Variants in EDA observed in about 807,000 individuals in gnomAD.
The protein encoded by EDA is ectodysplasin A.
EDA carries 2 observed loss-of-function variants against 23.6 expected under a neutral mutation model. That is an observed-to-expected ratio of 0.08 (90% CI 0.03 to 0.27). EDA has a LOEUF of 0.27. EDA is among the 10% of genes least tolerant of loss of function. The pLI is 1.00. For missense variants in EDA, 229 were observed against 324.2 expected (o/e 0.71, Z 2.26); for synonymous variants, 131 against 132.0 (o/e 0.99, Z 0.05).
chrX:69,723,813 T>C (rs1270726571), intron 1 of EDA, among the ~76,000 whole-genome samples: 3 of 111,548 alleles, frequency 2.7e-5, no homozygotes, highest in Non-Finnish European at 5.6e-5. Context: ...TAAGATGTGT[T>C]TTCTTCAGGA....
At chrX:69,770,238 C>T (rs750417511) in intron 1 of EDA, among the ~76,000 whole-genome samples, 7 of 111,546 alleles carry the variant, frequency 6.3e-5, no homozygotes, top group Non-Finnish European at 9.4e-5. Flanking sequence ...TTCCATTTCC[C>T]GGGATTATTG....
chrX:69,869,963 A>G (rs1157836716), intron 1 of EDA, among the ~76,000 whole-genome samples: 1 of 111,894 alleles, frequency 8.9e-6, no homozygotes, highest in Non-Finnish European at 1.9e-5. Context: ...TTTGCAAGGC[A>G]TCAGTCAAGG....
chrX:69,857,825 GTATGGT>G (rs2147589195), intron 1 of EDA, among the ~76,000 whole-genome samples: 1 of 112,108 alleles, frequency 8.9e-6, no homozygotes, highest in South Asian at 3.7e-4. Context: ...GCTTTTGGCA[GTATGGT>G]CATTTTCACA....
chrX:69,622,558 C>A (rs1019510771), intron 1 of EDA, among the ~76,000 whole-genome samples: 3 of 111,936 alleles, frequency 2.7e-5, no homozygotes, highest in Non-Finnish European at 5.6e-5. Context: ...ATTAGTCTGT[C>A]TTTTTCTTAT....
intron 1 of EDA, among the ~76,000 whole-genome samples, chrX:69,732,267 C>T (rs1358736466): frequency 9.9e-5 from 11 of 111,009 alleles, no homozygotes; most frequent in Non-Finnish European, 2.1e-4. Context: ...CACCCCACAA[C>T]AGGCCCCAGT....
At chrX:69,652,446 C>T (rs184242421) in intron 1 of EDA, among the ~76,000 whole-genome samples, 28 of 111,412 alleles carry the variant, frequency 2.5e-4, no homozygotes, top group South Asian at 1.5e-3. Context: ...AAATTAGAAA[C>T]GGTAAAGGGA....
chrX:69,829,461 A>C (rs748011925), intron 1 of EDA, among the ~76,000 whole-genome samples: 1 of 112,412 alleles, frequency 8.9e-6, no homozygotes, highest in African/African-American at 3.2e-5. Context: ...CCAAAATGTA[A>C]AGACAAGAAA....
At chrX:69,728,243 CA>C (rs71895672) in intron 1 of EDA, among the ~76,000 whole-genome samples, 1,348 of 92,038 alleles carry the variant, frequency 0.015, 18 homozygotes, top group African/African-American at 0.049. Context: ...GACTCCATCT[CA>C]AAAAAAAAAA....
At chrX:70,033,094 T>C (rs1448328910) in intron 6 of EDA, among the ~76,000 whole-genome samples, 2 of 112,618 alleles carry the variant, frequency 1.8e-5, no homozygotes, top group African/African-American at 6.4e-5. Flanking sequence ...GCATGCCCAC[T>C]CTCATCCTCC....
At chrX:70,020,099 C>T (rs1035950796) in intron 2 of EDA, among the ~76,000 whole-genome samples, 1 of 111,824 alleles carries the variant, frequency 8.9e-6, no homozygotes, top group Non-Finnish European at 1.9e-5. Context: ...CCTATAATAT[C>T]ACATTAGGGA....
intron 2 of EDA, among the ~76,000 whole-genome samples, chrX:69,964,195 G>A (rs1280642759): frequency 1.8e-5 from 2 of 111,510 alleles, no homozygotes; most frequent in Non-Finnish European, 3.8e-5. Context: ...ATGACCTTAG[G>A]AAAGTCTTAC....
At position 69,872,070 on chromosome X, in the gene EDA, T is replaced by A. The variant is rs191998036; in HGVS notation, c.397-84957T>A. On this transcript the variant is annotated intron_variant, in intron 1 of 7. Coordinates refer to ENST00000374552, the MANE Select transcript of EDA (RefSeq NM_001399.5). Reference sequence around the variant, plus strand: ...ATGTCTCAACAGAAACCCTACAAGGTAGAGGGGATTGGGGTCCTGTTTTTA... The same window carrying A: ...ATGTCTCAACAGAAACCCTACAAGGAAGAGGGGATTGGGGTCCTGTTTTTA... 2.7e-5 allele frequency among the ~76,000 whole-genome samples: 3 copies of A among 111,706 alleles called. No homozygotes were observed. The East Asian group carries it at 8.5e-4, about 32-fold the overall frequency.
intron 2 of EDA, among the ~76,000 whole-genome samples, chrX:70,008,738 G>T (rs2019835213): frequency 9.0e-6 from 1 of 111,025 alleles, no homozygotes; most frequent in Non-Finnish European, 1.9e-5. Context: ...GGGGGTACAT[G>T]TGCAGGTTTG....
chrX:69,698,928 GT>G (rs1163539240), intron 1 of EDA, among the ~76,000 whole-genome samples: 2 of 111,530 alleles, frequency 1.8e-5, no homozygotes, highest in African/African-American at 6.5e-5. Flanking sequence ...ACCTTCTGAA[GT>G]TGTTGGGAAT....
In EDA at chrX:69,916,542, A is replaced by C. The variant is rs2018348660; in HGVS notation, c.397-40485A>C. Reference sequence around the variant, plus strand: ...CTCAGCCTCCCAAGTAGCTGGGACTACAGGCACCCGCCACCACGCCCGGCT... The same window carrying C: ...CTCAGCCTCCCAAGTAGCTGGGACTCCAGGCACCCGCCACCACGCCCGGCT... On this transcript the variant is annotated intron_variant, in intron 1 of 7. Transcript: ENST00000374552. Among the ~76,000 whole-genome samples the C allele has an allele frequency of 2.8e-5, 3 of 107,766 alleles. 1 individual carries two copies. In the Admixed American group the frequency reaches 3.0e-4, roughly 11 times the overall value. The allele number at this position is 107,766 out of a possible 115,157, so 93.6% of individuals were successfully genotyped here.
At chrX:69,718,540 G>T (rs1210766143) in intron 1 of EDA, among the ~76,000 whole-genome samples, 5 of 110,099 alleles carry the variant, frequency 4.5e-5, no homozygotes, top group Admixed American at 1.9e-4. Context: ...TTTCTGCATT[G>T]ATTGATATGA....
At chrX:69,915,122 A>G (rs1263893890) in intron 1 of EDA, among the ~76,000 whole-genome samples, 1 of 111,556 alleles carries the variant, frequency 9.0e-6, no homozygotes, top group Non-Finnish European at 1.9e-5. Flanking sequence ...TACTTTATTC[A>G]CCCTTATAGG....
At chrX:69,832,958 C>G (rs1168188274) in intron 1 of EDA, among the ~76,000 whole-genome samples, 2 of 111,531 alleles carry the variant, frequency 1.8e-5, no homozygotes, top group South Asian at 3.7e-4. Flanking sequence ...ATGGGGTTTT[C>G]TAAATATACA....
At chrX:69,644,503 G>C (rs949229391) in intron 1 of EDA, among the ~76,000 whole-genome samples, 1 of 111,366 alleles carries the variant, frequency 9.0e-6, no homozygotes, top group African/African-American at 3.3e-5. Flanking sequence ...AAGAGCTTAA[G>C]GAGCTTTTGG....
Sources: gnomAD v4.1 joint callset for allele counts (sites outside exome capture counted in the v4.1 genomes callset) on GRCh38, gnomAD v4.1.1 for gene constraint, MANE v1.5 for transcripts, NCBI Gene and HGNC (gene_info 2026-07-23, HGNC 2026-07-21) for gene names.